The following ZFPM2 variants were observed in gnomAD, a reference collection of about 807,000 sequenced individuals.
ZFPM2 encodes the protein zinc finger protein, FOG family member 2, also known as zinc finger protein ZFPM2.
A neutral mutation model predicts 98.6 loss-of-function variants in ZFPM2; 20 were observed. That is an observed-to-expected ratio of 0.20 (90% confidence interval 0.14 to 0.29). The LOEUF is 0.29. Among genes scored for constraint, ZFPM2 ranks in the 10% least tolerant of loss-of-function variants. The pLI is 1.00. For synonymous variants in ZFPM2, 518 were observed against 502.7 expected (o/e 1.03, Z -0.41); for missense variants, 1,310 against 1,388.6 (o/e 0.94, Z 0.90).
chr8:105,720,137 C>T (rs187123709), intron 5 of ZFPM2, among the ~76,000 whole-genome samples: 59 of 151,920 alleles, frequency 3.9e-4, no homozygotes, highest in African/African-American at 9.4e-4. Flanking sequence ...TCACTGATTG[C>T]GAATTTTACT....
Position 105,802,428 on chromosome 8 carries a change from G to T in ZFPM2, c.2346G>T (p.Glu782Asp), listed in dbSNP as rs2920048. The change falls in exon 8 of 8, where the codon GAG becomes GAT. Residue 782 changes from glutamate (E) to aspartate (D), a missense_variant. Glu to Asp is a conservative substitution (Grantham distance 45). Transcript: ENST00000407775. ...AAGAACCCACAGAAGGGCTAGGAGA[G>T]TGCTACCACCCAAGATGTGATATCT... ...STQEPTEGLG[E>D]CYHPRCDIFP... 2 of 1,613,630 alleles carry T rather than the reference G, an allele frequency of 1.2e-6. No homozygotes were observed. Among genetic ancestry groups the T allele is most frequent in the Non-Finnish European group, 1.7e-6 (2 of 1,179,776 alleles).
intron 5 of ZFPM2, among the ~76,000 whole-genome samples, chr8:105,698,234 G>T (rs559518605): frequency 6.6e-6 from 1 of 152,230 alleles, no homozygotes; most frequent in Non-Finnish European, 1.5e-5. Flanking sequence ...TAGGTAATCT[G>T]TTCTCAATTT....
At chr8:105,538,421 G>A (rs139926482) in intron 3 of ZFPM2, among the ~76,000 whole-genome samples, 105 of 152,224 alleles carry the variant, frequency 6.9e-4, no homozygotes, top group African/African-American at 2.3e-3. Flanking sequence ...ATCTTGGCTG[G>A]TAGACGTTAT....
At chr8:105,446,607 T>G (rs1812375797) in intron 3 of ZFPM2, among the ~76,000 whole-genome samples, 1 of 152,190 alleles carries the variant, frequency 6.6e-6, no homozygotes, top group Non-Finnish European at 1.5e-5. Flanking sequence ...TCGTTTAAAT[T>G]TATTTAATGT....
At chr8:105,687,325 T>C (rs1378264868) in intron 5 of ZFPM2, among the ~76,000 whole-genome samples, 6 of 152,210 alleles carry the variant, frequency 3.9e-5, no homozygotes, top group Non-Finnish European at 8.8e-5. Flanking sequence ...ATGAGAACTA[T>C]TAGACTGCTT....
intron 5 of ZFPM2, among the ~76,000 whole-genome samples, chr8:105,726,730 T>G (rs1248712817): frequency 6.6e-6 from 1 of 151,692 alleles, no homozygotes. Context: ...AATGGATGGT[T>G]TAGGTGATAA....
At chr8:105,756,218 C>A (rs1318024484) in intron 5 of ZFPM2, among the ~76,000 whole-genome samples, 2 of 152,120 alleles carry the variant, frequency 1.3e-5, no homozygotes, top group Non-Finnish European at 2.9e-5. Context: ...TGGGTGAGAG[C>A]CACACAGGTA....
In ZFPM2 at chr8:105,795,928, A is replaced by G. The variant is rs181725711; in HGVS notation, c.740-2796A>G. ...CAAAAAATTGCATCTAATCAAAAAT[A>G]TACTTTAAAATCTCTGAGACTCTGA... is the stretch of plus-strand genomic sequence containing the variant. On this transcript the variant is annotated intron_variant, in intron 6 of 7. Coordinates refer to ENST00000407775, the MANE Select transcript of ZFPM2 (RefSeq NM_012082.4). The G allele has an allele frequency of 5.9e-5, 16 of 271,656 alleles. No individual in the cohort carries two copies. The Admixed American group carries it at 7.8e-4, about 13-fold the overall frequency. 16.8% of individuals were successfully genotyped at this position (271,656 alleles called of 1,614,324 possible).
At chr8:105,652,658 G>A (rs537338808) in intron 5 of ZFPM2, among the ~76,000 whole-genome samples, 9 of 152,048 alleles carry the variant, frequency 5.9e-5, no homozygotes, top group South Asian at 4.1e-4. Flanking sequence ...GGTCAGCTAC[G>A]TTTAGCTTGT....
At chr8:105,363,974 A>G (rs1262272592) in intron 1 of ZFPM2, among the ~76,000 whole-genome samples, 2 of 152,090 alleles carry the variant, frequency 1.3e-5, no homozygotes, top group African/African-American at 4.8e-5. Context: ...AAACTGAGAT[A>G]TAGGTTTTTT....
At chr8:105,616,456 T>A (rs1238296524) in intron 4 of ZFPM2, among the ~76,000 whole-genome samples, 4 of 152,128 alleles carry the variant, frequency 2.6e-5, no homozygotes, top group African/African-American at 9.7e-5. Context: ...ACATTTATAT[T>A]TATGACACAT....
At chr8:105,508,597 C>T (rs1813749289) in intron 3 of ZFPM2, among the ~76,000 whole-genome samples, 1 of 152,106 alleles carries the variant, frequency 6.6e-6, no homozygotes, top group African/African-American at 2.4e-5. Flanking sequence ...TAATCCTATA[C>T]ACAGGCTGCT....
At chr8:105,553,491 G>C (rs1814911210) in intron 3 of ZFPM2, among the ~76,000 whole-genome samples, 1 of 152,124 alleles carries the variant, frequency 6.6e-6, no homozygotes, top group Non-Finnish European at 1.5e-5. Context: ...TGTTGTGTTA[G>C]AGTTTTTAGG....
intron 5 of ZFPM2, among the ~76,000 whole-genome samples, chr8:105,773,616 T>G (rs1813033310): frequency 6.6e-6 from 1 of 151,208 alleles, no homozygotes; most frequent in South Asian, 2.1e-4. Context: ...TTTTCTAGTT[T>G]TATCTAAATC....
chr8:105,637,069 G>A (rs1816860684), intron 5 of ZFPM2, among the ~76,000 whole-genome samples: 1 of 152,110 alleles, frequency 6.6e-6, no homozygotes. Context: ...ACTAGAATAT[G>A]TTCTGTCTGC....
intron 1 of ZFPM2, among the ~76,000 whole-genome samples, chr8:105,416,671 A>G (rs1055092598): frequency 5.9e-5 from 9 of 151,922 alleles, no homozygotes; most frequent in African/African-American, 2.2e-4. Flanking sequence ...ATTAAAAGCT[A>G]CTTTACATGT....
chr8:105,369,364 G>T (rs1810574671), intron 1 of ZFPM2, among the ~76,000 whole-genome samples: 1 of 152,100 alleles, frequency 6.6e-6, no homozygotes, highest in Non-Finnish European at 1.5e-5. Flanking sequence ...GCAGAAATAG[G>T]AGGTGTACTC....
chr8:105,725,584 A>T (rs1343183036), intron 5 of ZFPM2, among the ~76,000 whole-genome samples: 1 of 151,732 alleles, frequency 6.6e-6, no homozygotes, highest in Non-Finnish European at 1.5e-5. Context: ...ATAAATCAGG[A>T]TGTATGGTAA....
At chr8:105,592,238 T>A (rs72673761) in intron 4 of ZFPM2, among the ~76,000 whole-genome samples, 4 of 151,248 alleles carry the variant, frequency 2.6e-5, no homozygotes, top group Admixed American at 6.6e-5. Context: ...CCTTCTTTTT[T>A]CCCCCCTGAT....
Sources: allele counts gnomAD v4.1 joint callset (sites outside exome capture counted in the v4.1 genomes callset), GRCh38; gene constraint gnomAD v4.1.1; transcripts MANE v1.5; gene names NCBI Gene and HGNC (gene_info 2026-07-23, HGNC 2026-07-21).